Variants in ATP8A1 observed in about 807,000 individuals in gnomAD.
ATP8A1 encodes the protein phospholipid-transporting ATPase IA.
A neutral mutation model predicts 177.7 loss-of-function variants in ATP8A1; 90 were observed. The observed-to-expected ratio is 0.51, with a 90% CI of 0.43 to 0.60. The LOEUF (loss-of-function observed/expected upper bound fraction) is 0.60. Ranked by LOEUF, ATP8A1 falls within the 20% of genes least tolerant of loss-of-function variation. The probability of loss-of-function intolerance (pLI) is 0.00; values close to 1 mark genes in which losing one functional copy is unlikely to be tolerated. For synonymous variants in ATP8A1, 493 were observed against 485.9 expected, an observed-to-expected ratio of 1.01 and a Z score of -0.19; for missense variants, 1,072 against 1,392.8, an observed-to-expected ratio of 0.77 and a Z score of 3.67.
intron 24 of ATP8A1, among the ~76,000 whole-genome samples, chr4:42,494,270 C>T (rs577720422): frequency 2.0e-5 from 3 of 148,462 alleles, no homozygotes; most frequent in Admixed American, 6.7e-5. Context: ...GTCAGGAGTT[C>T]GACACCAGCC....
chr4:42,579,885 G>A lies in ATP8A1; in HGVS notation c.928C>T (p.Leu310Phe), dbSNP rs1318545040. ...ILFCILIAMSLVCSVGSAIWN... is the reference protein window; with the variant it reads ...ILFCILIAMSFVCSVGSAIWN... ...ATGGCTGAGCCCACAGAACAGACAA[G>A]AGACATGGCAATTAAGATACAAAAT... The change falls in exon 11 of 37, where the codon CTT becomes TTT. Residue 310 changes from leucine (L) to phenylalanine (F), a missense_variant. Leu to Phe is a conservative substitution (Grantham distance 22). Around this residue, in one of 5 missense-constraint regions of ATP8A1, gnomAD observed 344 missense variants for 393.5 expected, o/e 0.87. Transcript: ENST00000381668. 1.2e-6 allele frequency: 2 copies of A among 1,613,638 alleles called. No individual in the cohort carries two copies. Among genetic ancestry groups the A allele is most frequent in the African/African-American group, 2.7e-5 (2 of 74,904 alleles).
intron 22 of ATP8A1, among the ~76,000 whole-genome samples, chr4:42,517,833 T>C (rs927634960): frequency 2.0e-5 from 3 of 152,226 alleles, no homozygotes; most frequent in Non-Finnish European, 4.4e-5. Flanking sequence ...ATTTTATAGA[T>C]AGATTTAAAA....
rs1351397927 is a variant in ATP8A1, at chr4:42,569,185, T to C, written c.1316A>G (p.Asp439Gly). ...CCATTCATCAGGAGAGCAGCCATAATCCTCAGGTTCAGGGACATGGCTTCA... is the reference window on the plus strand; with the variant it reads ...CCATTCATCAGGAGAGCAGCCATAACCCTCAGGTTCAGGGACATGGCTTCA... ...VAYGHVPEPEDYGCSPDEWQN... is the reference protein window; with the variant it reads ...VAYGHVPEPEGYGCSPDEWQN... The change falls in exon 15 of 37, where the codon GAT (aspartate) becomes GGT (glycine). Residue 439 changes from aspartate to glycine, a missense_variant. This residue lies in a region of ATP8A1 where 388 missense variants were observed against 471.7 expected (regional missense o/e 0.82). Transcript: ENST00000381668. The C allele has an allele frequency of 6.2e-7, 1 of 1,607,830 alleles. No homozygotes were observed. The highest frequency in any genetic ancestry group is 8.5e-7 in the Non-Finnish European group (1 of 1,176,980).
rs1261629677 is a variant in ATP8A1 at position 42,507,048 on chromosome 4, G to A, written c.2054C>T (p.Thr685Ile). Residue 685 changes from threonine to isoleucine, a missense_variant, in exon 23 of 37, where the codon ACA becomes ATA. This residue lies in a region of ATP8A1 where 388 missense variants were observed against 471.7 expected (regional missense o/e 0.82). Transcript: ENST00000381668. ...MKADIKIWIL[T>I]GDKQETAINI... The stretch of plus-strand genomic sequence containing the variant: ...AATGGCAGTTTCTTGCTTGTCCCCT[G>A]TAAGGATCCAGATTTTGATGTCTGC... 1 of 1,613,918 alleles carries A rather than the reference G, an allele frequency of 6.2e-7. No homozygotes were observed. The highest frequency in any genetic ancestry group is 2.2e-5 in the East Asian group (1 of 44,880).
intron 24 of ATP8A1, among the ~76,000 whole-genome samples, chr4:42,490,382 C>T (rs958987885): frequency 2.0e-5 from 3 of 152,214 alleles, no homozygotes; most frequent in African/African-American, 7.2e-5. Context: ...TCTTATGTGG[C>T]TGCTCATCAC....
chr4:42,473,819 T>TG (rs766976161), intron 25 of ATP8A1, among the ~76,000 whole-genome samples: 1,847 of 99,160 alleles, frequency 0.019, 23 homozygotes, highest in Non-Finnish European at 0.029. Context: ...CTAATTTTTG[T>TG]GTTTTTTTTT....
At chr4:42,437,186 T>A (rs761970942) in intron 33 of ATP8A1, among the ~76,000 whole-genome samples, 1 of 152,232 alleles carries the variant, frequency 6.6e-6, no homozygotes, top group Non-Finnish European at 1.5e-5. Flanking sequence ...GTTTTGCTGA[T>A]ACTAAGCTTC....
chr4:42,550,037 A>G (rs1029158949), intron 18 of ATP8A1, among the ~76,000 whole-genome samples: 2 of 152,182 alleles, frequency 1.3e-5, no homozygotes, highest in Admixed American at 6.5e-5. Flanking sequence ...AAGATATAAA[A>G]TATTCCCATC....
chr4:42,449,240 AG>A (rs1158266783), intron 30 of ATP8A1, among the ~76,000 whole-genome samples: 1 of 152,260 alleles, frequency 6.6e-6, no homozygotes, highest in Non-Finnish European at 1.5e-5. Flanking sequence ...TTTGGTATGC[AG>A]AACTGCTTTA....
rs185424528 is a variant in ATP8A1 at position 42,469,517 on chromosome 4, G to A, written c.2325-4441C>T. Among the ~76,000 whole-genome samples the A allele has an allele frequency of 1.8e-4, 27 of 152,234 alleles. 1 individual carries two copies. The East Asian group carries it at 3.9e-3, about 22-fold the overall frequency. On this transcript the variant is annotated intron_variant, in intron 25 of 36. Coordinates refer to ENST00000381668, the MANE Select transcript of ATP8A1 (RefSeq NM_006095.2). ...AAAAATGGTTCCTTGCTACAAGGGG[G>A]TTACAATATAGCAAAACAAAATTAT...
At position 42,645,992 on chromosome 4, in the gene ATP8A1, GCA is replaced by G. The variant is rs1311867711; in HGVS notation, c.49+10831_49+10832del. 4.6e-5 allele frequency among the ~76,000 whole-genome samples: 7 copies of G among 151,888 alleles called. No individual in the cohort carries two copies. The East Asian group carries it at 1.2e-3, about 25-fold the overall frequency. On this transcript the variant is annotated intron_variant, in intron 1 of 36. Transcript: ENST00000381668. ...GGGAACTGGAAAGGGCCAACTAGTC[GCA>G]GCCACTGGAATAACAATACAATGGT...
At chr4:42,630,646 T>C (rs1018879807) in intron 1 of ATP8A1, among the ~76,000 whole-genome samples, 1 of 152,216 alleles carries the variant, frequency 6.6e-6, no homozygotes, top group African/African-American at 2.4e-5. Flanking sequence ...GGACATACAA[T>C]ACTCACCTAT....
intron 21 of ATP8A1, among the ~76,000 whole-genome samples, chr4:42,523,073 T>C (rs1262220106): frequency 6.6e-6 from 1 of 152,134 alleles, no homozygotes; most frequent in Non-Finnish European, 1.5e-5. Context: ...TTCTTTGTCA[T>C]CATAAATCTG....
chr4:42,553,206 C>G lies in ATP8A1; in HGVS notation c.1414-596G>C, dbSNP rs369089546. 1.3e-5 allele frequency among the ~76,000 whole-genome samples: 2 copies of G among 152,160 alleles called. 1 individual carries two copies. Among genetic ancestry groups the G allele is most frequent in the Admixed American group, 1.3e-4 (2 of 15,276 alleles). On this transcript the variant is annotated intron_variant, in intron 16 of 36. Transcript: ENST00000381668. ...AATAGAAATAGTATAGTGAGAAAGG[C>G]AGATGTAGCTGAATCTTGTCGTTGG...
At chr4:42,524,284 T>C (rs772255232) in intron 21 of ATP8A1, among the ~76,000 whole-genome samples, 27 of 152,196 alleles carry the variant, frequency 1.8e-4, no homozygotes, top group Non-Finnish European at 3.1e-4. Context: ...TAAAAAAGTC[T>C]TGAGTTGTAA....
At chr4:42,424,301 A>G (rs543548797) in intron 33 of ATP8A1, among the ~76,000 whole-genome samples, 1 of 152,230 alleles carries the variant, frequency 6.6e-6, no homozygotes, top group South Asian at 2.1e-4. Context: ...TAATTTAAAA[A>G]GTAATAAATT....
At chr4:42,544,290 G>C (rs898040350) in intron 19 of ATP8A1, among the ~76,000 whole-genome samples, 1 of 151,938 alleles carries the variant, frequency 6.6e-6, no homozygotes, top group Non-Finnish European at 1.5e-5. Flanking sequence ...CAATGTTTTC[G>C]GATTTGAAAA....
At chr4:42,476,752 C>T (rs1483674826) in intron 25 of ATP8A1, among the ~76,000 whole-genome samples, 1 of 152,100 alleles carries the variant, frequency 6.6e-6, no homozygotes, top group Admixed American at 6.5e-5. Flanking sequence ...AAGGGTATCA[C>T]AGGCAAAATT....
At chr4:42,651,141 C>T (rs542324508) in intron 1 of ATP8A1, among the ~76,000 whole-genome samples, 1 of 152,228 alleles carries the variant, frequency 6.6e-6, no homozygotes, top group East Asian at 1.9e-4. Context: ...ATCTGACTTG[C>T]TCCTCCTTGC....
Sources: allele counts gnomAD v4.1 joint callset (sites outside exome capture counted in the v4.1 genomes callset), GRCh38; gene constraint gnomAD v4.1.1; regional missense constraint gnomAD v4.1.1; transcripts MANE v1.5; gene names NCBI Gene and HGNC (gene_info 2026-07-23, HGNC 2026-07-21).